Variants in ZNF44 observed in about 807,000 individuals in gnomAD.
ZNF44 encodes zinc finger protein 44.
Under a neutral mutation model 11.7 loss-of-function variants are expected in ZNF44, and 9 were observed. That is an observed-to-expected ratio of 0.77 (90% CI 0.46 to 1.35). The LOEUF (loss-of-function observed/expected upper bound fraction) is 1.35, where lower values mean the gene tolerates loss of function less well. ZNF44 is among the 40% of genes most tolerant of loss of function. The pLI, the probability that ZNF44 is intolerant of heterozygous loss-of-function variation, is 0.00. For missense variants in ZNF44, 696 were observed against 743.1 expected, an observed-to-expected ratio of 0.94 and a Z score of 0.74; for synonymous variants, 224 against 242.7, an observed-to-expected ratio of 0.92 and a Z score of 0.72.
intron 5 of ZNF44, chr19:12,266,244 G>A (rs929264965): frequency 1.0e-6 from 1 of 985,120 alleles, no homozygotes; most frequent in Non-Finnish European, 1.2e-6. Flanking sequence ...CCCTCCTCCC[G>A]CGTGTCGGGA....
chr19:12,253,692 A>G (rs1374499953), intron 5 of ZNF44, among the ~76,000 whole-genome samples: 3 of 152,052 alleles, frequency 2.0e-5, no homozygotes, highest in African/African-American at 7.2e-5. Context: ...AAAAACAGGA[A>G]GGACAGGCCG....
At chr19:12,251,062 TG>T (rs1916971206) in intron 5 of ZNF44, among the ~76,000 whole-genome samples, 1 of 151,880 alleles carries the variant, frequency 6.6e-6, no homozygotes, top group African/African-American at 2.4e-5. Context: ...CCTGTCTTGG[TG>T]GCTCACACCT....
rs1967013127 is a variant in ZNF44, at chr19:12,272,825, T to A, written c.1430A>T (p.Glu477Val). 2 of 1,613,866 alleles carry A rather than the reference T, an allele frequency of 1.2e-6. No individual in the cohort carries two copies. The highest frequency in any genetic ancestry group is 4.5e-5 in the East Asian group (2 of 44,860). The change falls in exon 4 of 4, where the codon GAA (glutamate) becomes GTA (valine). Residue 477 changes from glutamate to valine, a missense_variant. Transcript: ENST00000355684. ...AAATGCTTTCCCACACTCCTTACAT[T>A]CATAAGGCTCCTCTTCACTGTGTGT... ...ETTHSEEEPY[E>V]CKECGKAFSS...
At chr19:12,227,572 C>T (rs1385434595) in intron 3 of ZNF44, among the ~76,000 whole-genome samples, 1 of 152,222 alleles carries the variant, frequency 6.6e-6, no homozygotes, top group Non-Finnish European at 1.5e-5. Context: ...TGCCATTGCA[C>T]TCCAGCCTGG....
exon 6 of ZNF44, chr19:12,250,329 G>A (rs1290576262): frequency 1.5e-6 from 2 of 1,366,402 alleles, no homozygotes; most frequent in Admixed American, 1.9e-5. Context: ...CATTCCTCCT[G>A]GGTGAAGTTC....
intron 2 of ZNF44, chr19:12,234,640 A>G (rs1916306403): frequency 6.6e-6 from 1 of 152,212 alleles, no homozygotes; most frequent in South Asian, 2.1e-4. Flanking sequence ...TCTCTAATTG[A>G]CTAAAGGAAA....
At chr19:12,274,928 G>C in intron 3 of ZNF44, 45 bp downstream of exon 3, 1 of 1,434,414 alleles carries the variant, frequency 7.0e-7, no homozygotes, top group Non-Finnish European at 9.6e-7. Context: ...GTCATTCTCA[G>C]AAACACTGCA....
downstream of ZNF44, among the ~76,000 whole-genome samples, chr19:12,268,183 A>ACACAC (rs1568438456): frequency 1.2e-4 from 7 of 60,670 alleles, no homozygotes; most frequent in Non-Finnish European, 1.0e-4. Context: ...CACACACACA[A>ACACAC]GCTCCTTCCC....
chr19:12,249,767 G>A (rs529276762), intron 7 of ZNF44, among the ~76,000 whole-genome samples: 1 of 152,162 alleles, frequency 6.6e-6, no homozygotes, highest in South Asian at 2.1e-4. Flanking sequence ...GGTCAGGCTG[G>A]TCTTGAACTC....
chr19:12,250,353 C>G, exon 6 of ZNF44: 1 of 1,363,616 alleles, frequency 7.3e-7, no homozygotes, highest in Non-Finnish European at 9.8e-7. Flanking sequence ...GCCACATCTT[C>G]AAAGGTCACT....
chr19:12,293,807 A>G (rs1968118969), intron 1 of ZNF44, among the ~76,000 whole-genome samples: 1 of 152,102 alleles, frequency 6.6e-6, no homozygotes, highest in African/African-American at 2.4e-5. Flanking sequence ...CTTGGAAAGA[A>G]AGGACTGAAG....
At position 12,264,580 on chromosome 19, in the gene ZNF44, T is replaced by C. The variant is rs1266724847; in HGVS notation, c.1912+7907A>G. ...ACAAAACCCACAAATATCTATTCCTTTTGGAAAATGAAGTTAATTATAAAT... is the reference window on the plus strand; with the variant it reads ...ACAAAACCCACAAATATCTATTCCTCTTGGAAAATGAAGTTAATTATAAAT... On this transcript the variant is annotated intron_variant and NMD_transcript_variant, in intron 5 of 7. Transcript: ENST00000393337. Among the ~76,000 whole-genome samples the C allele has an allele frequency of 3.3e-5, 5 of 152,322 alleles. No homozygotes were observed. The South Asian group carries it at 1.0e-3, about 32-fold the overall frequency.
At chr19:12,255,935 C>G (rs1013597802) in intron 5 of ZNF44, among the ~76,000 whole-genome samples, 1 of 147,824 alleles carries the variant, frequency 6.8e-6, no homozygotes, top group African/African-American at 2.5e-5. Context: ...ACTAGGGAGG[C>G]TGAGGCAGGA....
In ZNF44 at chr19:12,272,760, T is replaced by C. The variant is rs769303296; in HGVS notation, c.1495A>G (p.Ser499Gly). Residue 499 changes from serine (S) to glycine (G), a missense_variant, in exon 4 of 4, where the codon AGT becomes GGT. By Grantham distance (56) the Ser-to-Gly change is moderately conservative. Coordinates refer to ENST00000355684, the MANE Select transcript of ZNF44 (RefSeq NM_016264.4). ...KYFCRHERTHSEEKSYECQIC... is the reference protein window; with the variant it reads ...KYFCRHERTHGEEKSYECQIC... The stretch of plus-strand genomic sequence containing the variant: ...TGACACTCATAAGATTTTTCTTCAC[T>C]GTGAGTCCTTTCATGGCGACAAAAG... 6.2e-7 allele frequency: 1 copy of C among 1,613,902 alleles called. No individual in the cohort carries two copies. Among genetic ancestry groups the C allele is most frequent in the Non-Finnish European group, 8.5e-7 (1 of 1,179,822 alleles).
At chr19:12,227,790 A>G (rs749735209) in intron 3 of ZNF44, among the ~76,000 whole-genome samples, 2 of 152,228 alleles carry the variant, frequency 1.3e-5, no homozygotes, top group African/African-American at 2.4e-5. Flanking sequence ...ATACTTATAC[A>G]AATATAGCCC....
At chr19:12,231,863 G>A (rs1916178443) in intron 2 of ZNF44, among the ~76,000 whole-genome samples, 1 of 152,218 alleles carries the variant, frequency 6.6e-6, no homozygotes, top group Non-Finnish European at 1.5e-5. Context: ...CTCCACACCT[G>A]TGGGTGTTTC....
At chr19:12,225,812 C>A (rs931251011), downstream of ZNF44, among the ~76,000 whole-genome samples, 37 of 152,244 alleles carry the variant, frequency 2.4e-4, no homozygotes, top group African/African-American at 8.2e-4. Flanking sequence ...ATGAGTAATT[C>A]TCTCTTGGTT....
intron 5 of ZNF44, chr19:12,260,090 A>G: frequency 1.7e-6 from 1 of 602,654 alleles, no homozygotes; most frequent in Non-Finnish European, 3.1e-6. Context: ...ATAAATACAC[A>G]GGTCTCAGGC....
intron 3 of ZNF44, among the ~76,000 whole-genome samples, chr19:12,227,109 T>C (rs1405586831): frequency 6.6e-6 from 1 of 152,206 alleles, no homozygotes; most frequent in African/African-American, 2.4e-5. Context: ...TGCAGTTTAG[T>C]TCATGCAGTT....
Sources: allele counts gnomAD v4.1 joint callset (sites outside exome capture counted in the v4.1 genomes callset), GRCh38; gene constraint gnomAD v4.1.1; transcripts MANE v1.5; gene names NCBI Gene and HGNC (gene_info 2026-07-23, HGNC 2026-07-21).